The following MARCHF1 variants were observed in gnomAD, a reference collection of about 807,000 sequenced individuals.
MARCHF1 encodes the protein E3 ubiquitin-protein ligase MARCHF1.
A neutral mutation model predicts 54.2 loss-of-function variants in MARCHF1; 40 were observed. The observed-to-expected ratio is 0.74, with a 90% CI of 0.57 to 0.96. The LOEUF (loss-of-function observed/expected upper bound fraction) is 0.96. MARCHF1 is among the 40% of genes least tolerant of loss of function. MARCHF1 has a pLI of 0.00. For synonymous variants in MARCHF1, 236 were observed against 236.3 expected, an observed-to-expected ratio of 1.00 and a Z score of 0.01; for missense variants, 586 against 656.5, an observed-to-expected ratio of 0.89 and a Z score of 1.17.
intron 5 of MARCHF1, among the ~76,000 whole-genome samples, chr4:163,691,069 G>A (rs1246916836): frequency 1.3e-5 from 2 of 152,090 alleles, no homozygotes; most frequent in Non-Finnish European, 2.9e-5. Context: ...TTATGGCTGT[G>A]GATTCAAAAA....
chr4:164,045,707 G>T (rs148168489), intron 2 of MARCHF1, among the ~76,000 whole-genome samples: 38 of 142,048 alleles, frequency 2.7e-4, no homozygotes, highest in Non-Finnish European at 4.5e-4. Context: ...AAAATACACC[G>T]TTCTAACAGA....
intron 3 of MARCHF1, among the ~76,000 whole-genome samples, chr4:163,941,711 G>T (rs1222159591): frequency 6.6e-6 from 1 of 152,110 alleles, no homozygotes; most frequent in East Asian, 1.9e-4. Flanking sequence ...TTGTGCTTAA[G>T]TACCCAAGTT....
intron 5 of MARCHF1, among the ~76,000 whole-genome samples, chr4:163,618,913 C>T (rs1293950385): frequency 6.8e-6 from 1 of 147,634 alleles, no homozygotes; most frequent in African/African-American, 2.5e-5. Context: ...TAGAGTAGAA[C>T]AGGGGTTTAA....
Position 163,802,605 on chromosome 4 carries a change from T to C in MARCHF1, c.111+51416A>G, listed in dbSNP as rs570908593. Among the ~76,000 whole-genome samples, 3 of 152,312 alleles carry C rather than the reference T, an allele frequency of 2.0e-5. No homozygotes were observed. The East Asian group carries it at 5.8e-4, about 29-fold the overall frequency. On this transcript the variant is annotated intron_variant, in intron 4 of 9. Transcript: ENST00000514618. ...GGTTTTCTGTATCCGAGAGAAAATA[T>C]ATGAAATTGGAAAGCAAAGGTAACT... is the stretch of plus-strand genomic sequence containing the variant.
In MARCHF1 at chr4:164,142,482, A is replaced by G. The variant is rs537004872; in HGVS notation, c.-322-30820T>C. On this transcript the variant is annotated intron_variant, in intron 1 of 9. Coordinates refer to ENST00000514618, the MANE Select transcript of MARCHF1 (RefSeq NM_001394959.1). ...GCACGCAGCTGGAGATCTGAGAACCAGCAGACAGCCTCCTCAAGTGGGTCC... is the reference window on the plus strand; with the variant it reads ...GCACGCAGCTGGAGATCTGAGAACCGGCAGACAGCCTCCTCAAGTGGGTCC... Among the ~76,000 whole-genome samples the G allele has an allele frequency of 4.7e-3, 716 of 152,262 alleles. 6 individuals carry two copies. The highest frequency in any genetic ancestry group is 0.016 in the African/African-American group (651 of 41,560).
intron 7 of MARCHF1, among the ~76,000 whole-genome samples, chr4:163,591,472 A>G (rs1740591827): frequency 6.6e-6 from 1 of 152,104 alleles, no homozygotes; most frequent in South Asian, 2.1e-4. Context: ...TTTCATTTAC[A>G]CAAGTTCTGG....
intron 5 of MARCHF1, among the ~76,000 whole-genome samples, chr4:163,662,739 GT>G (rs368899348): frequency 6.5e-4 from 98 of 151,772 alleles, no homozygotes; most frequent in African/African-American, 2.3e-3. Context: ...AGGCCGGATT[GT>G]TTTTGGGAAA....
intron 4 of MARCHF1, among the ~76,000 whole-genome samples, chr4:163,790,117 T>C (rs1277694351): frequency 6.6e-6 from 1 of 152,094 alleles, no homozygotes; most frequent in Non-Finnish European, 1.5e-5. Context: ...TTGGTAGGTA[T>C]AACCAAGGGA....
chr4:163,763,225 A>T (rs549206122), intron 4 of MARCHF1, among the ~76,000 whole-genome samples: 1 of 152,172 alleles, frequency 6.6e-6, no homozygotes, highest in African/African-American at 2.4e-5. Flanking sequence ...TCCCCTGGAG[A>T]GGTAAACGTG....
chr4:163,897,655 G>T (rs1004195453), intron 3 of MARCHF1, among the ~76,000 whole-genome samples: 2 of 152,100 alleles, frequency 1.3e-5, no homozygotes, highest in Admixed American at 1.3e-4. Flanking sequence ...GCTGGGAAAA[G>T]TGGCTAACCA....
At chr4:164,014,207 TAAAG>T (rs1213934276) in intron 2 of MARCHF1, among the ~76,000 whole-genome samples, 7 of 134,752 alleles carry the variant, frequency 5.2e-5, no homozygotes, top group South Asian at 2.4e-4. Context: ...AAAAAAAAAG[TAAAG>T]AGAGAAAGCA....
chr4:164,355,926 A>G (rs1214748828), intron 1 of MARCHF1, among the ~76,000 whole-genome samples: 2 of 123,896 alleles, frequency 1.6e-5, no homozygotes, highest in Admixed American at 8.2e-5. Context: ...CAAGAAAAAA[A>G]CAAACAACCC....
At chr4:163,845,638 C>T (rs149825742) in intron 4 of MARCHF1, among the ~76,000 whole-genome samples, 148 of 152,190 alleles carry the variant, frequency 9.7e-4, no homozygotes, top group African/African-American at 3.4e-3. Flanking sequence ...AAACATCTTT[C>T]GGAGGAACTC....
rs1202760941 is a variant in MARCHF1, at chr4:163,533,133, CTG to C, written c.1340-4089_1340-4088del. Among the ~76,000 whole-genome samples, 6 of 151,756 alleles carry C rather than the reference CTG, an allele frequency of 4.0e-5. No individual in the cohort carries two copies. The East Asian group carries it at 5.8e-4, about 15-fold the overall frequency. On this transcript the variant is annotated intron_variant, in intron 9 of 9. Coordinates refer to ENST00000514618, the MANE Select transcript of MARCHF1 (RefSeq NM_001394959.1). Reference sequence around the variant, plus strand: ...GTTTTTCAATCTGTGAATGAATAAACTGTGATACATCCATGTAATGGAGTATT... The same window carrying C: ...GTTTTTCAATCTGTGAATGAATAAACTGATACATCCATGTAATGGAGTATT...
intron 1 of MARCHF1, among the ~76,000 whole-genome samples, chr4:164,350,014 A>G (rs1286870274): frequency 6.6e-6 from 1 of 152,248 alleles, no homozygotes; most frequent in East Asian, 1.9e-4. Context: ...AATTGAGGTC[A>G]TAGAACATAT....
At chr4:163,768,355 AAAC>A (rs1747052640) in intron 4 of MARCHF1, among the ~76,000 whole-genome samples, 1 of 152,210 alleles carries the variant, frequency 6.6e-6, no homozygotes, top group South Asian at 2.1e-4. Context: ...GAACACTAAC[AAAC>A]AACTTCAATG....
intron 1 of MARCHF1, among the ~76,000 whole-genome samples, chr4:164,238,172 C>T (rs538165920): frequency 1.1e-4 from 16 of 152,098 alleles, no homozygotes; most frequent in Non-Finnish European, 1.8e-4. Context: ...GCTTTCATAA[C>T]CTTTTCTTGA....
intron 3 of MARCHF1, among the ~76,000 whole-genome samples, chr4:163,941,297 G>A (rs1218461820): frequency 6.6e-6 from 1 of 152,072 alleles, no homozygotes; most frequent in East Asian, 1.9e-4. Flanking sequence ...AAAGCTTCAG[G>A]AAGGTGTTAG....
chr4:163,892,656 G>C (rs1750686536), intron 3 of MARCHF1, among the ~76,000 whole-genome samples: 1 of 151,362 alleles, frequency 6.6e-6, no homozygotes, highest in East Asian at 1.9e-4. Context: ...AATAATGTTA[G>C]GTGGTTTTAT....
Sources: gnomAD v4.1 joint callset for allele counts (sites outside exome capture counted in the v4.1 genomes callset) on GRCh38, gnomAD v4.1.1 for gene constraint, MANE v1.5 for transcripts, NCBI Gene and HGNC (gene_info 2026-07-23, HGNC 2026-07-21) for gene names.